HERC5: variants seen among roughly 807,000 people sequenced by gnomAD.
HERC5 encodes E3 ISG15--protein ligase HERC5.
HERC5 carries 99 observed loss-of-function variants against 119.6 expected under a neutral mutation model. That is an observed-to-expected ratio of 0.83 (90% CI 0.70 to 0.98). The LOEUF is 0.98. Among genes scored for constraint, HERC5 ranks in the 50% least tolerant of loss-of-function variants. HERC5 has a pLI of 0.00. For synonymous variants in HERC5, 478 were observed against 445.9 expected, an observed-to-expected ratio of 1.07 and a Z score of -0.91; for missense variants, 1,267 against 1,241.3, an observed-to-expected ratio of 1.02 and a Z score of -0.31.
In HERC5 at chr4:88,489,170, A is replaced by G; in HGVS notation, c.1967A>G (p.Lys656Arg). ...HTDTLLKIES[K>R]KHKAYLRSAA... The stretch of plus-strand genomic sequence containing the variant: ...TTTCTGTTTCTGTTTTCCTAGAGTA[A>G]AAAACATAAAGCTTATCTTAGGTCG... The change falls in exon 16 of 23, where the codon AAA becomes AGA. Residue 656 changes from lysine to arginine, a missense_variant. By Grantham distance (26) the Lys-to-Arg change is conservative. Coordinates refer to ENST00000264350, the MANE Select transcript of HERC5 (RefSeq NM_016323.4). 1 of 1,601,596 alleles carries G rather than the reference A, an allele frequency of 6.2e-7. No individual in the cohort carries two copies.
chr4:88,497,714 A>G (rs1177522350), intron 18 of HERC5, among the ~76,000 whole-genome samples: 1 of 152,210 alleles, frequency 6.6e-6, no homozygotes, highest in African/African-American at 2.4e-5. Context: ...AAAGAATGCA[A>G]ACGTGTTTGG....
rs985359624 is a variant in HERC5 at position 88,472,620 on chromosome 4, C to T, written c.1392+118C>T. ...ATTCTCCGAGACCTTGTAGCATATT[C>T]AGATTAAGTTAAACTCAGATAACAT... On this transcript the variant is annotated intron_variant, in intron 11 of 22. Coordinates refer to ENST00000264350, the MANE Select transcript of HERC5 (RefSeq NM_016323.4). 27 of 718,178 alleles carry T rather than the reference C, an allele frequency of 3.8e-5. No homozygotes were observed. The African/African-American group carries it at 4.7e-4, about 12-fold the overall frequency. The allele number at this position is 718,178 out of a possible 1,614,324, so 44.5% of individuals were successfully genotyped here.
intron 13 of HERC5, 38 bp downstream of exon 13, chr4:88,479,545 G>C (rs1406708518): frequency 3.4e-6 from 5 of 1,492,262 alleles, no homozygotes; most frequent in Non-Finnish European, 4.5e-6. Flanking sequence ...TTTTTATCTA[G>C]CTGTAAAAAT....
In HERC5 at chr4:88,468,487, C is replaced by T. The variant is rs544169962; in HGVS notation, c.1134+65C>T. ...TAAGCAAAACTAAGGGTTCTAGTAT[C>T]CCAGTTTGGTGAATTCCAAAATCAT... On this transcript the variant is annotated intron_variant, in intron 8 of 22. Coordinates refer to ENST00000264350, the MANE Select transcript of HERC5 (RefSeq NM_016323.4). The T allele has an allele frequency of 5.7e-5, 66 of 1,155,736 alleles. No individual in the cohort carries two copies. In the South Asian group the frequency reaches 8.4e-4, roughly 15 times the overall value. The allele number at this position is 1,155,736 out of a possible 1,614,324, so 71.6% of individuals were successfully genotyped here. A position where few individuals can be genotyped will look rare whatever the true frequency, so the allele number is the denominator to read the frequency against.
At chr4:88,474,032 T>C (rs867324717) in intron 11 of HERC5, 10 of 152,256 alleles carry the variant, frequency 6.6e-5, no homozygotes, top group Admixed American at 1.3e-4. Flanking sequence ...TGTTCATTTA[T>C]TCAGCAAACA....
intron 12 of HERC5, among the ~76,000 whole-genome samples, chr4:88,478,813 T>C (rs1456237914): frequency 6.6e-6 from 1 of 152,092 alleles, no homozygotes; most frequent in Non-Finnish European, 1.5e-5. Flanking sequence ...AGTTTCTCTA[T>C]GTTGCCCAGG....
intron 20 of HERC5, among the ~76,000 whole-genome samples, chr4:88,502,351 A>G (rs745458870): frequency 2.0e-5 from 3 of 152,198 alleles, no homozygotes; most frequent in Non-Finnish European, 4.4e-5. Flanking sequence ...GAAAATGTTT[A>G]GTACATAATG....
Position 88,500,983 on chromosome 4 carries a change from C to G in HERC5, c.2580C>G (p.Asn860Lys). The change falls in exon 20 of 23, where the codon AAC becomes AAG. Residue 860 changes from asparagine to lysine, a missense_variant and splice_region_variant. Asn to Lys is a moderately conservative substitution (Grantham distance 94). Coordinates refer to ENST00000264350, the MANE Select transcript of HERC5 (RefSeq NM_016323.4). The part of the protein sequence containing the change: ...NGSSITVNQT[N>K]KRDYVSKYIN... ...GTAGCATAACTGTCAACCAGACTAA[C>G]AAGTAGGTACAAAAAATGAAATAGT... 5 of 1,600,426 alleles carry G rather than the reference C, an allele frequency of 3.1e-6. No individual in the cohort carries two copies. The highest frequency in any genetic ancestry group is 4.3e-6 in the Non-Finnish European group (5 of 1,171,680).
chr4:88,495,735 C>T (rs1002631413), intron 18 of HERC5, among the ~76,000 whole-genome samples: 4 of 151,800 alleles, frequency 2.6e-5, no homozygotes, highest in African/African-American at 4.8e-5. Context: ...TTTATACTAA[C>T]TGTACTAATA....
At chr4:88,478,655 A>G (rs1409483593) in intron 12 of HERC5, among the ~76,000 whole-genome samples, 2 of 152,034 alleles carry the variant, frequency 1.3e-5, no homozygotes, top group Non-Finnish European at 2.9e-5. Flanking sequence ...TCTGTCACCC[A>G]GGTTGGAGTG....
chr4:88,457,845 G>C (rs1740232341), intron 1 of HERC5: 1 of 961,818 alleles, frequency 1.0e-6, no homozygotes, highest in Non-Finnish European at 1.3e-6. Flanking sequence ...TTCTGTTCAA[G>C]TTTGTACCCC....
At chr4:88,481,935 T>C (rs1456170864) in intron 13 of HERC5, among the ~76,000 whole-genome samples, 2 of 152,208 alleles carry the variant, frequency 1.3e-5, no homozygotes, top group Non-Finnish European at 2.9e-5. Flanking sequence ...TCCTCCTCTT[T>C]TGACAAATAA....
At chr4:88,467,794 G>A in intron 7 of HERC5, 1 of 615,838 alleles carries the variant, frequency 1.6e-6, no homozygotes, top group African/African-American at 2.0e-5. Flanking sequence ...TGACCTCAGA[G>A]TCTGAGCTCT....
At chr4:88,457,833 G>A in intron 1 of HERC5, 1 of 868,716 alleles carries the variant, frequency 1.2e-6, no homozygotes, top group South Asian at 5.9e-5. Context: ...TTTCTCATAG[G>A]TTTCTGTTCA....
intron 6 of HERC5, among the ~76,000 whole-genome samples, chr4:88,466,607 G>T (rs1264623112): frequency 6.6e-6 from 1 of 152,144 alleles, no homozygotes; most frequent in Non-Finnish European, 1.5e-5. Flanking sequence ...GACCTCTCTG[G>T]GCAAGGCAGA....
At chr4:88,496,449 C>T (rs1255072605) in intron 18 of HERC5, among the ~76,000 whole-genome samples, 1 of 152,208 alleles carries the variant, frequency 6.6e-6, no homozygotes, top group Admixed American at 6.5e-5. Flanking sequence ...GATATTGGTG[C>T]AGGTTTTCCG....
Position 88,505,682 on chromosome 4 carries a change from C to T in HERC5, c.2879C>T (p.Thr960Ile). ...EEKKKFLVFL[T>I]GTDRLQMKDL... ...TTATTCTTCTTTTTAGTATTTCTTA[C>T]AGGAACTGACAGACTACAAATGAAA... The change falls in exon 23 of 23, where the codon ACA (threonine) becomes ATA (isoleucine). Residue 960 changes from threonine to isoleucine, a missense_variant. By Grantham distance (89) the Thr-to-Ile change is moderately conservative. Transcript: ENST00000264350. 4 of 1,537,084 alleles carry T rather than the reference C, an allele frequency of 2.6e-6. No individual in the cohort carries two copies. Among genetic ancestry groups the T allele is most frequent in the Non-Finnish European group, 3.6e-6 (4 of 1,117,314 alleles).
Position 88,472,480 on chromosome 4 carries a change from A to G in HERC5, c.1370A>G (p.Gln457Arg). ...AGAAACATCTTCAAGGAGTTAACCCAAAAGGACTGGATTACTAACATGGTA... is the reference window on the plus strand; with the variant it reads ...AGAAACATCTTCAAGGAGTTAACCCGAAAGGACTGGATTACTAACATGGTA... The part of the protein sequence containing the change: ...KARNIFKELT[Q>R]KDWITNMITT... Residue 457 changes from glutamine (Q) to arginine (R), a missense_variant, in exon 11 of 23, where the codon CAA becomes CGA. Around this residue, in one of 3 missense-constraint regions of HERC5, gnomAD observed 777 missense variants for 758.0 expected, o/e 1.03. Transcript: ENST00000264350. The G allele has an allele frequency of 6.3e-7, 1 of 1,588,212 alleles. No individual in the cohort carries two copies. The highest frequency in any genetic ancestry group is 2.2e-5 in the East Asian group (1 of 44,614).
intron 13 of HERC5, among the ~76,000 whole-genome samples, chr4:88,479,789 C>T (rs929476387): frequency 4.6e-5 from 7 of 151,970 alleles, no homozygotes; most frequent in East Asian, 1.9e-4. Flanking sequence ...TGTGCTGGGC[C>T]GGGCGCGTTG....
Sources: gnomAD v4.1 joint callset for allele counts (sites outside exome capture counted in the v4.1 genomes callset) on GRCh38, gnomAD v4.1.1 for gene constraint, gnomAD v4.1.1 regional missense constraint, MANE v1.5 for transcripts, NCBI Gene and HGNC (gene_info 2026-07-23, HGNC 2026-07-21) for gene names.